Variants in RELN observed in about 807,000 individuals in gnomAD.
RELN encodes the protein reelin.
RELN carries 108 observed loss-of-function variants against 427.6 expected under a neutral mutation model. That is an observed-to-expected ratio of 0.25 (90% CI 0.22 to 0.30). The LOEUF (loss-of-function observed/expected upper bound fraction) is 0.30. RELN is among the 10% of genes least tolerant of loss of function. The probability of loss-of-function intolerance (pLI) is 1.00; values close to 1 mark genes in which losing one functional copy is unlikely to be tolerated. For synonymous variants in RELN, 1,524 were observed against 1,513.4 expected (o/e 1.01, Z -0.16); for missense variants, 3,715 against 4,302.8 (o/e 0.86, Z 3.82).
chr7:103,511,840 T>C (rs900324058), intron 50 of RELN, among the ~76,000 whole-genome samples: 2 of 152,136 alleles, frequency 1.3e-5, no homozygotes, highest in Non-Finnish European at 2.9e-5. Context: ...TGAGACCCTG[T>C]CTCTAAAAAA....
chr7:103,848,923 A>G (rs537357708), intron 2 of RELN, among the ~76,000 whole-genome samples: 1 of 152,286 alleles, frequency 6.6e-6, no homozygotes, highest in African/African-American at 2.4e-5. Flanking sequence ...AGCATTCTGC[A>G]ATGGGAAGAT....
chr7:103,689,137 AG>A, intron 10 of RELN, among the ~76,000 whole-genome samples: 1 of 152,286 alleles, frequency 6.6e-6, no homozygotes, highest in South Asian at 2.1e-4. Flanking sequence ...CCTATTCTAA[AG>A]GAGAAACAGA....
intron 4 of RELN, among the ~76,000 whole-genome samples, chr7:103,773,346 T>A (rs1791644965): frequency 2.6e-5 from 1 of 38,156 alleles, no homozygotes; most frequent in Non-Finnish European, 4.3e-5. Flanking sequence ...TCGCTTCCTC[T>A]CTCTCTCTCC....
chr7:103,889,830 T>C (rs1308578746), intron 2 of RELN, among the ~76,000 whole-genome samples: 1 of 152,104 alleles, frequency 6.6e-6, no homozygotes, highest in African/African-American at 2.4e-5. Context: ...AATCCTAGCA[T>C]AAAACCAGGC....
intron 1 of RELN, among the ~76,000 whole-genome samples, chr7:103,967,424 T>C (rs1285608497): frequency 1.3e-5 from 2 of 152,104 alleles, no homozygotes; most frequent in Admixed American, 6.5e-5. Flanking sequence ...ATTTAGGTGG[T>C]TGTCTGCACT....
intron 1 of RELN, among the ~76,000 whole-genome samples, chr7:103,944,919 T>C (rs1364852406): frequency 6.6e-6 from 1 of 152,018 alleles, no homozygotes; most frequent in African/African-American, 2.4e-5. Context: ...TACCAAAGAC[T>C]TTGAAGGAAG....
chr7:103,630,465 T>C (rs1008738534), intron 19 of RELN, among the ~76,000 whole-genome samples: 10 of 152,228 alleles, frequency 6.6e-5, no homozygotes, highest in African/African-American at 2.2e-4. Flanking sequence ...CTTGGACAGC[T>C]TGTTACACAT....
In RELN at chr7:103,610,720, T is replaced by G; in HGVS notation, c.2983A>C (p.Ile995Leu). The change falls in exon 22 of 65, where the codon ATA becomes CTA. Residue 995 changes from isoleucine (I) to leucine (L), a missense_variant. Transcript: ENST00000428762. Reference sequence around the variant, plus strand: ...CAAGTTTTCTGGGGAAGAAGCACTATGACTCTCCTCCACTGTGTAAACTCA... The same window carrying G: ...CAAGTTTTCTGGGGAAGAAGCACTAGGACTCTCCTCCACTGTGTAAACTCA... ...ASEFTQWRRV[I>L]VLLPQKTWSS... is the part of the protein sequence containing the mutation. The G allele has an allele frequency of 6.3e-7, 1 of 1,599,066 alleles. No homozygotes were observed. Among genetic ancestry groups the G allele is most frequent in the Non-Finnish European group, 8.6e-7 (1 of 1,166,552 alleles).
chr7:103,662,430 G>A (rs1833163610), intron 11 of RELN, among the ~76,000 whole-genome samples: 1 of 152,038 alleles, frequency 6.6e-6, no homozygotes, highest in Non-Finnish European at 1.5e-5. Context: ...GACCATCCTG[G>A]CTAACAGGGT....
Position 103,989,356 on chromosome 7 carries a change from T to TGCCGCA in RELN, c.-1_1insTGCGGC. On this transcript the variant is annotated 5_prime_UTR_variant, in exon 1 of 65. Transcript: ENST00000428762. This position sits in a 1 kb window ranked among gnomAD's most constrained non-coding sequence, Gnocchi z 4.9. ...TGCCGGGCCCAGCCACTGCGCTCCA[T>TGCCGCA]GCCGCCGCCGCCGCCGCCGCCGCCG... is the stretch of plus-strand genomic sequence containing the variant. The TGCCGCA allele has an allele frequency of 7.1e-7, 1 of 1,407,846 alleles. No individual in the cohort carries two copies. Among genetic ancestry groups the TGCCGCA allele is most frequent in the South Asian group, 1.6e-5 (1 of 60,992 alleles). The allele number at this position is 1,407,846 out of a possible 1,614,324, so 87.2% of individuals were successfully genotyped here.
intron 11 of RELN, among the ~76,000 whole-genome samples, chr7:103,669,802 G>C (rs79849387): frequency 0.019 from 2,931 of 152,044 alleles, 111 homozygotes; most frequent in African/African-American, 0.067. Flanking sequence ...GCCTGAGGGA[G>C]AGAGCTCTCT....
chr7:103,714,569 C>G (rs1789889722), intron 8 of RELN, among the ~76,000 whole-genome samples: 1 of 152,194 alleles, frequency 6.6e-6, no homozygotes, highest in East Asian at 1.9e-4. Context: ...TCCCACCATG[C>G]AGAGCAGCTT....
chr7:103,598,921 A>G (rs1283250644), intron 24 of RELN, among the ~76,000 whole-genome samples: 1 of 152,226 alleles, frequency 6.6e-6, no homozygotes, highest in Non-Finnish European at 1.5e-5. Context: ...GTGTAAACAC[A>G]TGTAATGTGT....
intron 2 of RELN, among the ~76,000 whole-genome samples, chr7:103,871,893 T>C (rs916171458): frequency 1.3e-5 from 2 of 151,878 alleles, no homozygotes; most frequent in Non-Finnish European, 1.5e-5. Flanking sequence ...AGATTTTAAA[T>C]AGTAGAGTCT....
chr7:103,834,648 G>T (rs539754909), intron 2 of RELN, among the ~76,000 whole-genome samples: 1 of 152,156 alleles, frequency 6.6e-6, no homozygotes, highest in East Asian at 1.9e-4. Flanking sequence ...GACCTAAACA[G>T]ATACCTCACC....
At chr7:103,758,303 C>T (rs997834211) in intron 4 of RELN, among the ~76,000 whole-genome samples, 1 of 152,032 alleles carries the variant, frequency 6.6e-6, no homozygotes, top group Non-Finnish European at 1.5e-5. Flanking sequence ...TGCCAAATGT[C>T]CTCAGACTGA....
intron 3 of RELN, among the ~76,000 whole-genome samples, chr7:103,794,527 T>G (rs1255558011): frequency 1.3e-5 from 2 of 152,182 alleles, no homozygotes; most frequent in African/African-American, 4.8e-5. Context: ...ATCACATGCA[T>G]ATCTAAGTTG....
At chr7:103,869,274 T>C (rs1002849604) in intron 2 of RELN, among the ~76,000 whole-genome samples, 1 of 152,096 alleles carries the variant, frequency 6.6e-6, no homozygotes, top group African/African-American at 2.4e-5. Flanking sequence ...TTTCTTTCTT[T>C]TAGGAAATTA....
At chr7:103,723,057 C>G in intron 8 of RELN, 83 bp downstream of exon 8, 1 of 824,368 alleles carries the variant, frequency 1.2e-6, no homozygotes, top group South Asian at 1.4e-5. Context: ...CCAAAAGCAT[C>G]TGGCATTATA....
Sources: gnomAD v4.1 joint callset for allele counts (sites outside exome capture counted in the v4.1 genomes callset) on GRCh38, gnomAD v4.1.1 for gene constraint, Gnocchi (gnomAD v3.1) non-coding constraint, MANE v1.5 for transcripts, NCBI Gene and HGNC (gene_info 2026-07-23, HGNC 2026-07-21) for gene names.